CLSPN: variants seen among roughly 807,000 people sequenced by gnomAD.
CLSPN encodes claspin.
CLSPN carries 85 observed loss-of-function variants against 156.3 expected under a neutral mutation model. That is an observed-to-expected ratio of 0.54 (90% confidence interval 0.46 to 0.65). CLSPN has a LOEUF of 0.65. CLSPN is among the 30% of genes least tolerant of loss of function. The probability of loss-of-function intolerance (pLI) is 0.00; values close to 1 mark genes in which losing one functional copy is unlikely to be tolerated. For synonymous variants in CLSPN, 534 were observed against 542.4 expected (o/e 0.98, Z 0.22); for missense variants, 1,407 against 1,554.9 (o/e 0.90, Z 1.60).
rs2148613643 is a variant in CLSPN, at chr1:35,739,133, T to C, written c.3430+3A>G. On this transcript the variant is annotated splice_donor_region_variant and intron_variant, in intron 20 of 24. Transcript: ENST00000318121. Reference sequence around the variant, plus strand: ...TTGCTTTTAAAGACAACAACCAAGATACCTATGTTTTTCCATCGAAACTTC... The same window carrying C: ...TTGCTTTTAAAGACAACAACCAAGACACCTATGTTTTTCCATCGAAACTTC... 1.9e-6 allele frequency: 3 copies of C among 1,614,130 alleles called. No individual in the cohort carries two copies. Among genetic ancestry groups the C allele is most frequent in the Non-Finnish European group, 1.7e-6 (2 of 1,180,018 alleles).
chr1:35,736,909 C>T lies in CLSPN; in HGVS notation c.3909+5G>A, dbSNP rs376866791. 70 of 1,611,606 alleles carry T rather than the reference C, an allele frequency of 4.3e-5. No individual in the cohort carries two copies. The African/African-American group carries it at 7.6e-4, about 18-fold the overall frequency. On this transcript the variant is annotated splice_donor_5th_base_variant and intron_variant, in intron 24 of 24. Coordinates refer to ENST00000318121, the MANE Select transcript of CLSPN (RefSeq NM_022111.4). ...AGCCACCATATTAGTTCTCAAATTC[C>T]ATACCTGAGACTTAGACGATTCCTT...
chr1:35,734,157 T>C lies in CLSPN; in HGVS notation c.*2339A>G. Reference sequence around the variant, plus strand: ...AGCTTCTCAGTTTAGACCCAGAGGGTTTCCCTGGGATGGAGATAACCTGAA... The same window carrying C: ...AGCTTCTCAGTTTAGACCCAGAGGGCTTCCCTGGGATGGAGATAACCTGAA... On this transcript the variant is annotated 3_prime_UTR_variant, in exon 25 of 25. Transcript: ENST00000318121. 1 of 985,330 alleles carries C rather than the reference T, an allele frequency of 1.0e-6. No individual in the cohort carries two copies. The highest frequency in any genetic ancestry group is 1.2e-6 in the Non-Finnish European group (1 of 829,906). 61.0% of individuals were successfully genotyped at this position (985,330 alleles called of 1,614,324 possible). A position where few individuals can be genotyped will look rare whatever the true frequency, so the allele number is the denominator to read the frequency against.
chr1:35,735,392 T>C lies in CLSPN; in HGVS notation c.*1104A>G. ...AGTAATACAGCAGCCCATCTGTTGG[T>C]TCCTAGGTCCTCCATCTAAGAAATC... On this transcript the variant is annotated 3_prime_UTR_variant, in exon 25 of 25. Coordinates refer to ENST00000318121, the MANE Select transcript of CLSPN (RefSeq NM_022111.4). The C allele has an allele frequency of 1.0e-6, 1 of 985,384 alleles. No individual in the cohort carries two copies. The highest frequency in any genetic ancestry group is 1.2e-6 in the Non-Finnish European group (1 of 829,916). 61.0% of individuals were successfully genotyped at this position (985,384 alleles called of 1,614,324 possible). A position where few individuals can be genotyped will look rare whatever the true frequency, so the allele number is the denominator to read the frequency against.
intron 1 of CLSPN, among the ~76,000 whole-genome samples, chr1:35,769,483 G>A (rs550179401): frequency 7.9e-5 from 12 of 152,344 alleles, no homozygotes; most frequent in Admixed American, 1.3e-4. Context: ...GGTTCGGCTA[G>A]AGCCTCCCGG....
chr1:35,726,152 C>CAAAAAAAAAAAAAAAAAAAAAAAA lies in CLSPN; in HGVS notation c.3910-5173_3910-5172insTTTTTTTTTTTTTTTTTTTTTTTT, dbSNP rs3041363. Among the ~76,000 whole-genome samples the CAAAAAAAAAAAAAAAAAAAAAAAA allele has an allele frequency of 8.3e-5, 4 of 48,204 alleles. 1 individual carries two copies. The highest frequency in any genetic ancestry group is 2.2e-3 in the South Asian group (2 of 896). The allele number at this position is 48,204 out of a possible 152,430, so 31.6% of individuals were successfully genotyped here. A position where few individuals can be genotyped will look rare whatever the true frequency, so the allele number is the denominator to read the frequency against. On this transcript the variant is annotated intron_variant, in intron 24 of 24. Transcript: ENST00000251195. ...ACACACCCATAGAAACAGATGCAGA[C>CAAAAAAAAAAAAAAAAAAAAAAAA]AAAAAAAAAAAAAAAAAAAAAAAGC...
Position 35,736,947 on chromosome 1 carries a change from C to T in CLSPN, c.3876G>A (p.Lys1292=). 1 of 1,614,154 alleles carries T rather than the reference C, an allele frequency of 6.2e-7. No individual in the cohort carries two copies. Among genetic ancestry groups the T allele is most frequent in the Non-Finnish European group, 8.5e-7 (1 of 1,180,016 alleles). The change falls in exon 24 of 25, where the codon AAG becomes AAA. Residue 1292 remains lysine, a synonymous_variant. Coordinates refer to ENST00000318121, the MANE Select transcript of CLSPN (RefSeq NM_022111.4). ...NFVFHTLSPV[K]AEAAKESSKS... ...TAGACGATTCCTTTGCCGCCTCAGC[C>T]TTGACAGGAGAAAGTGTATGAAAGA...
downstream of CLSPN, among the ~76,000 whole-genome samples, chr1:35,727,408 G>A (rs2148607237): frequency 6.6e-6 from 1 of 152,244 alleles, no homozygotes; most frequent in South Asian, 2.1e-4. Context: ...GGCTATCCTT[G>A]ACCTTGGGCA....
chr1:35,751,344 T>A lies in CLSPN; in HGVS notation c.1934A>T (p.Asp645Val). 1 of 1,598,890 alleles carries A rather than the reference T, an allele frequency of 6.3e-7. No individual in the cohort carries two copies. The highest frequency in any genetic ancestry group is 1.1e-5 in the South Asian group (1 of 90,792). The change falls in exon 10 of 25, where the codon GAT (aspartate) becomes GTT (valine). Residue 645 changes from aspartate (D) to valine (V), a missense_variant. This residue lies in a region of CLSPN where 1,096 missense variants were observed against 1,193.0 expected (regional missense o/e 0.92). Transcript: ENST00000318121. ...TTCTTTCTCTACCTTCTCTTCTCCATCTTCCTCAGACTCATCTGTCATTTC... is the reference window on the plus strand; with the variant it reads ...TTCTTTCTCTACCTTCTCTTCTCCAACTTCCTCAGACTCATCTGTCATTTC... ...EEEMTDESEE[D>V]GEEKVEKEEK... is the part of the protein sequence containing the mutation.
downstream of CLSPN, among the ~76,000 whole-genome samples, chr1:35,728,115 A>C (rs1571183379): frequency 8.0e-6 from 1 of 124,630 alleles, no homozygotes; most frequent in Non-Finnish European, 1.6e-5. Context: ...AGGCAGTCTC[A>C]CTCTGTCACC....
chr1:35,760,339 T>A lies in CLSPN; in HGVS notation c.1579+3A>T. On this transcript the variant is annotated splice_donor_region_variant and intron_variant, in intron 8 of 24. Transcript: ENST00000318121. ...GGAGGCTCCCCACAATGTAAAGGAT[T>A]ACCTCTGTTGGTTTCAGGTTCAAGT... The A allele has an allele frequency of 6.2e-7, 1 of 1,609,418 alleles. No individual in the cohort carries two copies. The highest frequency in any genetic ancestry group is 8.5e-7 in the Non-Finnish European group (1 of 1,176,904).
rs1051556429 is a variant in CLSPN at position 35,732,653 on chromosome 1, C to G, written c.*3843G>C. 1.0e-6 allele frequency: 1 copy of G among 985,308 alleles called. No individual in the cohort carries two copies. Among genetic ancestry groups the G allele is most frequent in the African/African-American group, 1.7e-5 (1 of 57,236 alleles). 61.0% of individuals were successfully genotyped at this position (985,308 alleles called of 1,614,324 possible). ...CACTGAGCCTACCCTATCTCCCACA[C>G]TCATGGGCTCTCATCCCTCCAAATA... On this transcript the variant is annotated 3_prime_UTR_variant, in exon 25 of 25. Coordinates refer to ENST00000318121, the MANE Select transcript of CLSPN (RefSeq NM_022111.4).
In CLSPN at chr1:35,732,807, A is replaced by G; in HGVS notation, c.*3689T>C. Reference sequence around the variant, plus strand: ...TTTGGGCAAAGGGCATATGGGTCAGATTGAAACTGTCCATGTCAATCCTGT... The same window carrying G: ...TTTGGGCAAAGGGCATATGGGTCAGGTTGAAACTGTCCATGTCAATCCTGT... On this transcript the variant is annotated 3_prime_UTR_variant, in exon 25 of 25. Transcript: ENST00000318121. 3.0e-6 allele frequency: 3 copies of G among 985,404 alleles called. No homozygotes were observed. Among genetic ancestry groups the G allele is most frequent in the South Asian group, 9.4e-5 (2 of 21,284 alleles). The allele number at this position is 985,404 out of a possible 1,614,324, so 61.0% of individuals were successfully genotyped here.
chr1:35,745,725 G>C (rs1641857620), intron 15 of CLSPN, among the ~76,000 whole-genome samples, 163 bp from the exon 16 acceptor site: 1 of 152,162 alleles, frequency 6.6e-6, no homozygotes, highest in African/African-American at 2.4e-5. Context: ...TGCTTACTAT[G>C]TGCCATATGT....
Position 35,737,088 on chromosome 1 carries a change from G to T in CLSPN, c.3748-13C>A. 6.2e-7 allele frequency: 1 copy of T among 1,609,824 alleles called. No individual in the cohort carries two copies. Among genetic ancestry groups the T allele is most frequent in the South Asian group, 1.1e-5 (1 of 90,216 alleles). ...AGCCTGTCTTCACCTGAGGAAAGAA[G>T]AGTCATCTGGTATCAAATCCCAAGT... On this transcript the variant is annotated splice_polypyrimidine_tract_variant and intron_variant, in intron 23 of 24. Transcript: ENST00000318121.
rs1437585623 is a variant in CLSPN, at chr1:35,763,356, C to T, written c.583-35G>A. On this transcript the variant is annotated intron_variant, in intron 3 of 24. Coordinates refer to ENST00000318121, the MANE Select transcript of CLSPN (RefSeq NM_022111.4). ...ACATAAACAAAAAGCATAATCCAAT[C>T]ATTTAAAAATCCAGTATTTCACAAC... The T allele has an allele frequency of 3.4e-6, 5 of 1,481,874 alleles. No homozygotes were observed. In the African/African-American group the frequency reaches 4.3e-5, roughly 13 times the overall value. 91.8% of individuals were successfully genotyped at this position (1,481,874 alleles called of 1,614,324 possible).
intron 1 of CLSPN, among the ~76,000 whole-genome samples, chr1:35,765,986 C>CTT (rs1642657043): frequency 1.8e-4 from 3 of 17,056 alleles, no homozygotes; most frequent in African/African-American, 5.2e-4. Flanking sequence ...TTCTTTCTCT[C>CTT]TCTCTCTCTT....
At position 35,733,320 on chromosome 1, in the gene CLSPN, C is replaced by CTTTTTTTTTTCT. The variant is rs1284565821; in HGVS notation, c.*3175_*3176insAGAAAAAAAAAA. The CTTTTTTTTTTCT allele has an allele frequency of 1.7e-4, 23 of 135,770 alleles. No individual in the cohort carries two copies. The East Asian group carries it at 4.4e-3, about 26-fold the overall frequency. The allele number at this position is 135,770 out of a possible 1,614,324, so 8.4% of individuals were successfully genotyped here. A position where few individuals can be genotyped will look rare whatever the true frequency, so the allele number is the denominator to read the frequency against. ...CAGGCACTAATTTTCTTTTTTTTTT[C>CTTTTTTTTTTCT]TTTTTTTTTTTTTTTTTAGAGTTGG... On this transcript the variant is annotated 3_prime_UTR_variant, in exon 25 of 25. Transcript: ENST00000318121.
chr1:35,750,387 A>G lies in CLSPN; in HGVS notation c.2029-576T>C, dbSNP rs117169912. 8.6e-5 allele frequency among the ~76,000 whole-genome samples: 13 copies of G among 151,988 alleles called. 1 individual carries two copies. In the East Asian group the frequency reaches 2.5e-3, roughly 29 times the overall value. ...TAAAATAAAGTGATCCCAGCATACA[A>G]AAAGGAAAGTTTTTTTTTTTTTTTC... On this transcript the variant is annotated intron_variant, in intron 10 of 24. Transcript: ENST00000318121.
At chr1:35,750,756 C>T (rs992220399) in intron 10 of CLSPN, among the ~76,000 whole-genome samples, 26 of 151,976 alleles carry the variant, frequency 1.7e-4, no homozygotes, top group South Asian at 2.1e-4. Context: ...AGGCAGAAAA[C>T]AGTACTACGG....
Sources: allele counts gnomAD v4.1 joint callset (sites outside exome capture counted in the v4.1 genomes callset), GRCh38; gene constraint gnomAD v4.1.1; regional missense constraint gnomAD v4.1.1; transcripts MANE v1.5; gene names NCBI Gene and HGNC (gene_info 2026-07-23, HGNC 2026-07-21).